The following RPRD1B variants were observed in gnomAD, a reference collection of about 807,000 sequenced individuals.
RPRD1B encodes the protein regulation of nuclear pre-mRNA domain containing 1B.
A neutral mutation model predicts 41.5 loss-of-function variants in RPRD1B; 11 were observed. The ratio of observed to expected loss-of-function variants is 0.27; its 90% CI spans 0.17 to 0.44. The LOEUF (loss-of-function observed/expected upper bound fraction) is 0.44, where lower values mean the gene tolerates loss of function less well. Among genes scored for constraint, RPRD1B ranks in the 20% least tolerant of loss-of-function variants. RPRD1B has a pLI of 1.00. For missense variants in RPRD1B, 248 were observed against 389.9 expected (o/e 0.64, Z 3.06); for synonymous variants, 158 against 155.6 (o/e 1.02, Z -0.12).
chr20:38,037,348 T>A (rs560125895), intron 1 of RPRD1B, among the ~76,000 whole-genome samples: 16 of 152,324 alleles, frequency 1.1e-4, no homozygotes, highest in Admixed American at 8.5e-4. Flanking sequence ...TGAATGTAGG[T>A]AATGGGCTTT....
In RPRD1B at chr20:38,052,769, T is replaced by G. The variant is rs946063345; in HGVS notation, c.415+4288T>G. 2.1e-3 allele frequency among the ~76,000 whole-genome samples: 316 copies of G among 149,578 alleles called. 3 individuals carry two copies. The highest frequency in any genetic ancestry group is 3.7e-3 in the Non-Finnish European group (251 of 67,286). On this transcript the variant is annotated intron_variant, in intron 3 of 6. Coordinates refer to ENST00000373433, the MANE Select transcript of RPRD1B (RefSeq NM_021215.4). ...AACGCGGTGTTTTTTTTTTTTTTTT[T>G]TTTTTTTTTTTAAATCACAGAAAAT... is the stretch of plus-strand genomic sequence containing the variant.
intron 3 of RPRD1B, among the ~76,000 whole-genome samples, chr20:38,055,432 C>A (rs1041540103): frequency 6.6e-6 from 1 of 151,816 alleles, no homozygotes; most frequent in African/African-American, 2.4e-5. Flanking sequence ...AAATACCTCT[C>A]AGTTTCTTTA....
intron 2 of RPRD1B, among the ~76,000 whole-genome samples, chr20:38,045,460 C>T (rs2074111391): frequency 6.6e-6 from 1 of 152,196 alleles, no homozygotes; most frequent in Admixed American, 6.5e-5. Flanking sequence ...TCTAGCAAAA[C>T]TTTGATTTAC....
chr20:38,066,734 C>A (rs1192725382), intron 6 of RPRD1B, among the ~76,000 whole-genome samples: 1 of 152,134 alleles, frequency 6.6e-6, no homozygotes, highest in East Asian at 1.9e-4. Context: ...CGGCTCACTG[C>A]AAGCTCTGCC....
intron 6 of RPRD1B, among the ~76,000 whole-genome samples, chr20:38,073,957 G>A (rs2074435924): frequency 6.6e-6 from 1 of 152,190 alleles, no homozygotes; most frequent in South Asian, 2.1e-4. Flanking sequence ...CCCTTCTGTA[G>A]TATTCAAGTC....
intron 1 of RPRD1B, among the ~76,000 whole-genome samples, chr20:38,035,940 A>G (rs1159331751): frequency 6.6e-6 from 1 of 151,588 alleles, no homozygotes; most frequent in Non-Finnish European, 1.5e-5. Flanking sequence ...AATTTTTTGT[A>G]TTTTTAGTAG....
chr20:38,045,396 A>C (rs982272148), intron 2 of RPRD1B, among the ~76,000 whole-genome samples: 7 of 152,210 alleles, frequency 4.6e-5, no homozygotes, highest in Non-Finnish European at 1.0e-4. Flanking sequence ...CTTCCTTCAA[A>C]ACCTAATCAG....
In RPRD1B at chr20:38,092,227, TAAAG is replaced by T. The variant is rs2074617175; in HGVS notation, c.*2355_*2358del. On this transcript the variant is annotated 3_prime_UTR_variant, in exon 7 of 7. Transcript: ENST00000373433. ...CTTGTTTTTGTTTGTTTGTTTTTCTTAAAGAATATTTTCAAAGCTTAAATTTGTA... is the reference window on the plus strand; with the variant it reads ...CTTGTTTTTGTTTGTTTGTTTTTCTTAATATTTTCAAAGCTTAAATTTGTA... 3 of 985,370 alleles carry T rather than the reference TAAAG, an allele frequency of 3.0e-6. No individual in the cohort carries two copies. The highest frequency in any genetic ancestry group is 3.6e-6 in the Non-Finnish European group (3 of 829,496). The allele number at this position is 985,370 out of a possible 1,614,324, so 61.0% of individuals were successfully genotyped here.
At chr20:38,065,192 A>G (rs2074342000) in intron 5 of RPRD1B, among the ~76,000 whole-genome samples, 1 of 152,222 alleles carries the variant, frequency 6.6e-6, no homozygotes, top group Non-Finnish European at 1.5e-5. Context: ...TCCAAGGCTT[A>G]CATAGTTTAA....
chr20:38,063,258 C>G (rs2074319056), intron 5 of RPRD1B, among the ~76,000 whole-genome samples: 2 of 152,198 alleles, frequency 1.3e-5, no homozygotes, highest in African/African-American at 4.8e-5. Context: ...CCCCACCTTC[C>G]AGTGCCCCAC....
chr20:38,041,243 T>C (rs2122694435), intron 2 of RPRD1B, among the ~76,000 whole-genome samples: 1 of 152,324 alleles, frequency 6.6e-6, no homozygotes, highest in Non-Finnish European at 1.5e-5. Flanking sequence ...AGAAAAACTA[T>C]CGTTCATTAG....
intron 5 of RPRD1B, among the ~76,000 whole-genome samples, chr20:38,060,769 C>A (rs1252528921): frequency 6.6e-6 from 1 of 152,128 alleles, no homozygotes; most frequent in Non-Finnish European, 1.5e-5. Context: ...CCACTGGGAC[C>A]TGCAGTCTCT....
chr20:38,079,855 T>C (rs1321558671), intron 6 of RPRD1B, among the ~76,000 whole-genome samples: 2 of 152,230 alleles, frequency 1.3e-5, no homozygotes, highest in African/African-American at 2.4e-5. Flanking sequence ...TTTATAAGTG[T>C]TCCTTTTTCC....
At chr20:38,054,765 GTTAC>G (rs571669266) in intron 3 of RPRD1B, among the ~76,000 whole-genome samples, 51 of 152,156 alleles carry the variant, frequency 3.4e-4, no homozygotes, top group Non-Finnish European at 4.9e-4. Context: ...ATATCTAATA[GTTAC>G]TTACTGAGTG....
In RPRD1B at chr20:38,033,755, C is replaced by A; in HGVS notation, c.-193C>A. 1 of 575,546 alleles carries A rather than the reference C, an allele frequency of 1.7e-6. No individual in the cohort carries two copies. Among genetic ancestry groups the A allele is most frequent in the Non-Finnish European group, 3.0e-6 (1 of 331,404 alleles). 35.7% of individuals were successfully genotyped at this position (575,546 alleles called of 1,614,324 possible). A position where few individuals can be genotyped will look rare whatever the true frequency, so the allele number is the denominator to read the frequency against. On this transcript the variant is annotated 5_prime_UTR_variant, in exon 1 of 7. Transcript: ENST00000373433. The stretch of plus-strand genomic sequence containing the variant: ...CGCGGCAGGGTGAGAGGTCGGGTGG[C>A]CATCTTGTGGCGGCGGCGCGGGCGG...
At chr20:38,049,411 C>T (rs1481591603) in intron 3 of RPRD1B, among the ~76,000 whole-genome samples, 3 of 90,354 alleles carry the variant, frequency 3.3e-5, no homozygotes, top group Non-Finnish European at 4.0e-5. Flanking sequence ...TGCTTTGTTA[C>T]CTGGGCTGGA....
At chr20:38,079,247 CT>C (rs768539062) in intron 6 of RPRD1B, among the ~76,000 whole-genome samples, 1,583 of 142,786 alleles carry the variant, frequency 0.011, 16 homozygotes, top group African/African-American at 0.034. Context: ...CTTGGATTTT[CT>C]TTTTTTTTTT....
chr20:38,077,153 G>A (rs2074470306), intron 6 of RPRD1B, among the ~76,000 whole-genome samples: 1 of 151,586 alleles, frequency 6.6e-6, no homozygotes, highest in Non-Finnish European at 1.5e-5. Context: ...CATGACCTCA[G>A]GAGATCCACC....
intron 3 of RPRD1B, among the ~76,000 whole-genome samples, chr20:38,054,662 G>A (rs571645321): frequency 1.4e-4 from 21 of 152,312 alleles, no homozygotes; most frequent in African/African-American, 4.8e-4. Context: ...AAGTGTCGAG[G>A]TAGTGTTTGA....
Sources: gnomAD v4.1 joint callset for allele counts (sites outside exome capture counted in the v4.1 genomes callset) on GRCh38, gnomAD v4.1.1 for gene constraint, MANE v1.5 for transcripts, NCBI Gene and HGNC (gene_info 2026-07-23, HGNC 2026-07-21) for gene names.